The following PTPRZ1 variants were observed in gnomAD, a reference collection of about 807,000 sequenced individuals.
PTPRZ1 encodes receptor-type tyrosine-protein phosphatase zeta.
In PTPRZ1, 82 loss-of-function variants were observed where a neutral mutation model predicts 214.1. The ratio of observed to expected loss-of-function variants is 0.38; its 90% CI spans 0.32 to 0.46. The LOEUF (loss-of-function observed/expected upper bound fraction) is 0.46, where lower values mean the gene tolerates loss of function less well. Among genes scored for constraint, PTPRZ1 ranks in the 20% least tolerant of loss-of-function variants. The pLI is 1.00. For synonymous variants in PTPRZ1, 945 were observed against 987.9 expected (o/e 0.96, Z 0.81); for missense variants, 2,603 against 2,748.7 (o/e 0.95, Z 1.19).
chr7:121,968,877 AT>A (rs895786247), intron 3 of PTPRZ1, among the ~76,000 whole-genome samples: 11 of 152,076 alleles, frequency 7.2e-5, no homozygotes, highest in African/African-American at 1.4e-4. Context: ...TCATTGGTGA[AT>A]TTTTTTTATA....
At chr7:121,889,784 C>A (rs1275043439) in intron 1 of PTPRZ1, among the ~76,000 whole-genome samples, 1 of 152,140 alleles carries the variant, frequency 6.6e-6, no homozygotes, top group Non-Finnish European at 1.5e-5. Context: ...ATCAGTCTCA[C>A]CAGTGCCTTT....
intron 2 of PTPRZ1, among the ~76,000 whole-genome samples, chr7:121,937,216 A>G (rs1796112482): frequency 1.3e-5 from 2 of 152,138 alleles, no homozygotes; most frequent in Admixed American, 1.3e-4. Flanking sequence ...CTTGAACCCT[A>G]TTGAGAGGTA....
In PTPRZ1 at chr7:122,053,992, A is replaced by T. The variant is rs1300180281; in HGVS notation, c.6335A>T (p.Asp2112Val). ...AAGGATTTCTGGAGGATGATATGGG[A>T]CCATAATGCCCAACTGGTGGTTATG... Reference protein sequence around the residue: ...TIKDFWRMIWDHNAQLVVMIP... With the variant: ...TIKDFWRMIWVHNAQLVVMIP... Residue 2112 changes from aspartate to valine, a missense_variant, in exon 26 of 30, where the codon GAC becomes GTC. By Grantham distance (152) the Asp-to-Val change is radical. Transcript: ENST00000393386. 1 of 1,613,328 alleles carries T rather than the reference A, an allele frequency of 6.2e-7. No homozygotes were observed. Among genetic ancestry groups the T allele is most frequent in the East Asian group, 2.2e-5 (1 of 44,846 alleles).
chr7:122,024,396 T>C (rs1301869617), intron 13 of PTPRZ1, among the ~76,000 whole-genome samples: 1 of 152,074 alleles, frequency 6.6e-6, no homozygotes, highest in Non-Finnish European at 1.5e-5. Context: ...GGTAGGGAGA[T>C]GAAAAGCAAT....
intron 28 of PTPRZ1, 127 bp downstream of exon 28, chr7:122,059,069 C>A: frequency 1.1e-6 from 1 of 933,000 alleles, no homozygotes; most frequent in Non-Finnish European, 1.5e-6. Flanking sequence ...GGATTATCTG[C>A]ATCTTATCAA....
At chr7:122,007,717 T>C (rs1246804845) in intron 11 of PTPRZ1, among the ~76,000 whole-genome samples, 1 of 152,176 alleles carries the variant, frequency 6.6e-6, no homozygotes, top group Non-Finnish European at 1.5e-5. Flanking sequence ...AAAGTATCTG[T>C]AGCATGATCA....
chr7:121,894,530 T>C (rs1000171862), intron 1 of PTPRZ1, among the ~76,000 whole-genome samples: 5 of 152,022 alleles, frequency 3.3e-5, no homozygotes, highest in Non-Finnish European at 7.4e-5. Context: ...CTCAGCCTCC[T>C]GTTTAGCTGG....
At chr7:122,044,731 A>G (rs1413820828) in intron 23 of PTPRZ1, among the ~76,000 whole-genome samples, 163 bp downstream of exon 23, 1 of 152,158 alleles carries the variant, frequency 6.6e-6, no homozygotes, top group Non-Finnish European at 1.5e-5. Flanking sequence ...CCACATGGTA[A>G]ATTTCAAGGA....
intron 1 of PTPRZ1, among the ~76,000 whole-genome samples, chr7:121,886,008 G>T (rs919038199): frequency 5.9e-5 from 9 of 152,118 alleles, no homozygotes; most frequent in African/African-American, 2.2e-4. Context: ...ATCTTTATGC[G>T]ATGAGTTCTC....
rs527346538 is a variant in PTPRZ1, at chr7:121,997,774, G to C, written c.1114-106G>C. On this transcript the variant is annotated intron_variant, in intron 9 of 29. Coordinates refer to ENST00000393386, the MANE Select transcript of PTPRZ1 (RefSeq NM_002851.3). ...TTTTCCTTAGGTTAATAAAATAGAA[G>C]TATTTTCCACGGACCAGGGAGAAAA... 22 of 839,246 alleles carry C rather than the reference G, an allele frequency of 2.6e-5. No individual in the cohort carries two copies. The African/African-American group carries it at 3.9e-4, about 15-fold the overall frequency. 52.0% of individuals were successfully genotyped at this position (839,246 alleles called of 1,614,324 possible). A position where few individuals can be genotyped will look rare whatever the true frequency, so the allele number is the denominator to read the frequency against.
chr7:121,891,588 C>T (rs1270124256), intron 1 of PTPRZ1, among the ~76,000 whole-genome samples: 1 of 148,018 alleles, frequency 6.8e-6, no homozygotes, highest in East Asian at 2.0e-4. Flanking sequence ...ACATTTTATG[C>T]AACTTTTTAT....
chr7:122,000,380 T>C (rs1798279769), intron 10 of PTPRZ1, among the ~76,000 whole-genome samples: 1 of 151,812 alleles, frequency 6.6e-6, no homozygotes, highest in South Asian at 2.1e-4. Context: ...ATTTGGTGCC[T>C]ACAAGATTAG....
chr7:122,032,376 T>TA (rs1799406034), intron 15 of PTPRZ1, among the ~76,000 whole-genome samples: 1 of 152,204 alleles, frequency 6.6e-6, no homozygotes, highest in Non-Finnish European at 1.5e-5. Flanking sequence ...TAACAACTGA[T>TA]AAATAACAGA....
intron 1 of PTPRZ1, among the ~76,000 whole-genome samples, chr7:121,891,149 C>T (rs962947582): frequency 6.6e-6 from 1 of 152,090 alleles, no homozygotes; most frequent in Admixed American, 6.6e-5. Context: ...TTATGATCCA[C>T]TTCCTCACTT....
At chr7:121,937,773 A>G (rs1238749523) in intron 2 of PTPRZ1, among the ~76,000 whole-genome samples, 1 of 152,188 alleles carries the variant, frequency 6.6e-6, no homozygotes, top group Non-Finnish European at 1.5e-5. Flanking sequence ...ACTTCTGATG[A>G]CCAATAAAAA....
chr7:121,950,025 A>G (rs1227436601), intron 2 of PTPRZ1, among the ~76,000 whole-genome samples: 1 of 152,210 alleles, frequency 6.6e-6, no homozygotes, highest in Non-Finnish European at 1.5e-5. Context: ...GCGACTAAGC[A>G]ATTTACAAAC....
At chr7:122,006,403 T>G (rs914786831) in intron 11 of PTPRZ1, among the ~76,000 whole-genome samples, 1 of 152,092 alleles carries the variant, frequency 6.6e-6, no homozygotes, top group Non-Finnish European at 1.5e-5. Context: ...CCCTCGCCAC[T>G]ACATTTCTCA....
intron 15 of PTPRZ1, among the ~76,000 whole-genome samples, chr7:122,033,532 A>G (rs1799445531): frequency 2.0e-5 from 3 of 152,062 alleles, no homozygotes; most frequent in Non-Finnish European, 4.4e-5. Flanking sequence ...TGCTAATTAA[A>G]TATTTAGAGT....
At chr7:121,881,177 C>G (rs1293348635) in intron 1 of PTPRZ1, among the ~76,000 whole-genome samples, 1 of 152,202 alleles carries the variant, frequency 6.6e-6, no homozygotes, top group Non-Finnish European at 1.5e-5. Context: ...AATCCTCTCT[C>G]TATTCACCAT....
Sources: allele counts gnomAD v4.1 joint callset (sites outside exome capture counted in the v4.1 genomes callset), GRCh38; gene constraint gnomAD v4.1.1; transcripts MANE v1.5; gene names NCBI Gene and HGNC (gene_info 2026-07-23, HGNC 2026-07-21).